The following RABL3 variants were observed in gnomAD, a reference collection of about 807,000 sequenced individuals.
RABL3 encodes RAB, member of RAS oncogene family like 3.
Under a neutral mutation model 31.8 loss-of-function variants are expected in RABL3, and 31 were observed. The observed-to-expected ratio is 0.97, with a 90% CI of 0.73 to 1.31. The LOEUF (loss-of-function observed/expected upper bound fraction) is 1.31, where lower values mean the gene tolerates loss of function less well. RABL3 is among the 40% of genes most tolerant of loss of function. The pLI is 0.00. For synonymous variants in RABL3, 97 were observed against 99.9 expected, an observed-to-expected ratio of 0.97 and a Z score of 0.18; for missense variants, 263 against 279.6, an observed-to-expected ratio of 0.94 and a Z score of 0.42.
intron 2 of RABL3, among the ~76,000 whole-genome samples, chr3:120,729,331 G>A (rs1708856692): frequency 6.6e-6 from 1 of 152,070 alleles, no homozygotes; most frequent in African/African-American, 2.4e-5. Context: ...ATGAAAAGGC[G>A]CTGTATAGGG....
In RABL3 at chr3:120,708,109, A is replaced by G. The variant is rs530187221; in HGVS notation, c.268+1671T>C. Among the ~76,000 whole-genome samples the G allele has an allele frequency of 5.3e-5, 8 of 152,216 alleles. 1 individual carries two copies. The South Asian group carries it at 1.7e-3, about 31-fold the overall frequency. On this transcript the variant is annotated intron_variant, in intron 3 of 7. Coordinates refer to ENST00000273375, the MANE Select transcript of RABL3 (RefSeq NM_173825.5). Reference sequence around the variant, plus strand: ...ATCCTTATGTTCAGTTTCTTAGGAAACTAAGGATAGTAGATGGAATAAAGA... The same window carrying G: ...ATCCTTATGTTCAGTTTCTTAGGAAGCTAAGGATAGTAGATGGAATAAAGA...
intron 1 of RABL3, among the ~76,000 whole-genome samples, chr3:120,739,919 T>C (rs1709021414): frequency 6.6e-6 from 1 of 152,188 alleles, no homozygotes; most frequent in Non-Finnish European, 1.5e-5. Flanking sequence ...GTGATAAGTA[T>C]TAGCTAAGAA....
intron 1 of RABL3, among the ~76,000 whole-genome samples, chr3:120,737,911 G>A (rs577782911): frequency 6.6e-6 from 1 of 152,336 alleles, no homozygotes; most frequent in South Asian, 2.1e-4. Flanking sequence ...GGGGTACTGG[G>A]CCATGTGAGG....
intron 2 of RABL3, among the ~76,000 whole-genome samples, chr3:120,723,764 A>G (rs1708779800): frequency 6.6e-6 from 1 of 152,010 alleles, no homozygotes; most frequent in African/African-American, 2.4e-5. Context: ...CATGCTAAAA[A>G]CTCTCAATAA....
At chr3:120,719,230 TG>T (rs1018312080) in intron 2 of RABL3, among the ~76,000 whole-genome samples, 3 of 152,190 alleles carry the variant, frequency 2.0e-5, no homozygotes, top group African/African-American at 7.2e-5. Context: ...GGAGCCAGGA[TG>T]GCCGAATAGG....
At chr3:120,725,179 A>G (rs1708802531) in intron 2 of RABL3, among the ~76,000 whole-genome samples, 1 of 152,234 alleles carries the variant, frequency 6.6e-6, no homozygotes, top group African/African-American at 2.4e-5. Context: ...TTATGCAGCC[A>G]AAAGACACAT....
Position 120,742,495 on chromosome 3 carries a change from C to G in RABL3, c.13G>C (p.Asp5His). The change falls in exon 1 of 8, where the codon GAT becomes CAT. Residue 5 changes from aspartate (D) to histidine (H), a missense_variant. Transcript: ENST00000273375. The stretch of plus-strand genomic sequence containing the variant: ...CCCAACACCAGTACCTTCACCCGAT[C>G]CAGGGACGCCATCTTGCCACTGCCT... Reference protein sequence around the residue: MASLDRVKVLVLGDS... With the variant: MASLHRVKVLVLGDS... 1 of 1,614,180 alleles carries G rather than the reference C, an allele frequency of 6.2e-7. No homozygotes were observed. The highest frequency in any genetic ancestry group is 8.5e-7 in the Non-Finnish European group (1 of 1,180,026).
chr3:120,697,003 G>C (rs971349259), intron 5 of RABL3, among the ~76,000 whole-genome samples: 1 of 152,186 alleles, frequency 6.6e-6, no homozygotes, highest in Non-Finnish European at 1.5e-5. Context: ...TAGAATAAAG[G>C]CATCAGAAGC....
chr3:120,737,742 GT>G (rs1397228253), intron 1 of RABL3, among the ~76,000 whole-genome samples: 1 of 152,208 alleles, frequency 6.6e-6, no homozygotes, highest in Admixed American at 6.5e-5. Flanking sequence ...CCTTCTAACA[GT>G]CAGGACCCTC....
intron 2 of RABL3, among the ~76,000 whole-genome samples, chr3:120,723,892 A>G (rs1708782248): frequency 6.6e-6 from 1 of 152,004 alleles, no homozygotes; most frequent in Non-Finnish European, 1.5e-5. Context: ...CTGGCACAAG[A>G]CAGGGATGCC....
At chr3:120,706,622 A>ATTATTTTTTTTTTTTTTTTTTTTTTTT in intron 3 of RABL3, among the ~76,000 whole-genome samples, 1 of 150,986 alleles carries the variant, frequency 6.6e-6, no homozygotes, top group Non-Finnish European at 1.5e-5. Flanking sequence ...TACAATTGCT[A>ATTATTTTTTTTTTTTTTTTTTTTTTTT]TTCTTTAGCT....
intron 1 of RABL3, among the ~76,000 whole-genome samples, chr3:120,731,045 G>C (rs1708876665): frequency 6.6e-6 from 1 of 152,170 alleles, no homozygotes; most frequent in African/African-American, 2.4e-5. Context: ...TGATTTAGCG[G>C]GTCTGTCTTG....
At chr3:120,738,912 G>A (rs896513984) in intron 1 of RABL3, among the ~76,000 whole-genome samples, 2 of 152,084 alleles carry the variant, frequency 1.3e-5, no homozygotes, top group African/African-American at 4.8e-5. Context: ...TACCTTCCCA[G>A]GAGTAAACTC....
intron 2 of RABL3, among the ~76,000 whole-genome samples, chr3:120,712,660 C>T (rs1458885925): frequency 3.3e-5 from 5 of 152,134 alleles, no homozygotes; most frequent in Admixed American, 1.3e-4. Flanking sequence ...CTACTGATAT[C>T]TCTTCTTCTA....
At chr3:120,733,648 G>A (rs1031908925) in intron 1 of RABL3, among the ~76,000 whole-genome samples, 2 of 152,132 alleles carry the variant, frequency 1.3e-5, no homozygotes, top group African/African-American at 4.8e-5. Context: ...TGTCCGGAAT[G>A]GTATTGCCTA....
chr3:120,690,747 T>C (rs1708370839), intron 6 of RABL3, among the ~76,000 whole-genome samples: 1 of 152,170 alleles, frequency 6.6e-6, no homozygotes, highest in South Asian at 2.1e-4. Flanking sequence ...TAAATAATGA[T>C]AGAATGATAT....
At chr3:120,720,850 C>G (rs956225831) in intron 2 of RABL3, among the ~76,000 whole-genome samples, 2 of 152,106 alleles carry the variant, frequency 1.3e-5, no homozygotes, top group Admixed American at 1.3e-4. Flanking sequence ...CAAAGAGACT[C>G]CTCGAGAAGA....
At chr3:120,711,739 A>C (rs915429329) in intron 2 of RABL3, among the ~76,000 whole-genome samples, 1 of 152,170 alleles carries the variant, frequency 6.6e-6, no homozygotes, top group Admixed American at 6.5e-5. Context: ...ATTTTCCAAG[A>C]ATTAATTTTT....
At chr3:120,705,353 A>G (rs1442126347) in intron 4 of RABL3, among the ~76,000 whole-genome samples, 2 of 152,216 alleles carry the variant, frequency 1.3e-5, no homozygotes, top group East Asian at 1.9e-4. Context: ...TAATAGCTAA[A>G]CAATTATGAA....
Sources: allele counts gnomAD v4.1 joint callset (sites outside exome capture counted in the v4.1 genomes callset), GRCh38; gene constraint gnomAD v4.1.1; transcripts MANE v1.5; gene names NCBI Gene and HGNC (gene_info 2026-07-23, HGNC 2026-07-21).